The following AUTS2 variants were observed in gnomAD, a reference collection of about 807,000 sequenced individuals.
AUTS2 encodes the protein autism susceptibility gene 2 protein.
In AUTS2, 17 loss-of-function variants were observed where a neutral mutation model predicts 112.4. That is an observed-to-expected ratio of 0.15 (90% CI 0.10 to 0.23). The LOEUF is 0.23. Among genes scored for constraint, AUTS2 ranks in the 10% least tolerant of loss-of-function variants. The pLI is 1.00. For missense variants in AUTS2, 1,510 were observed against 1,701.6 expected, an observed-to-expected ratio of 0.89 and a Z score of 1.98; for synonymous variants, 751 against 702.7, an observed-to-expected ratio of 1.07 and a Z score of -1.09.
chr7:70,187,757 A>C (rs1015042681), intron 4 of AUTS2, among the ~76,000 whole-genome samples: 1 of 151,054 alleles, frequency 6.6e-6, no homozygotes, highest in Admixed American at 6.6e-5. Context: ...AGACTGTCAG[A>C]CATACTCAAC....
intron 5 of AUTS2, among the ~76,000 whole-genome samples, chr7:70,538,979 G>A (rs999276183): frequency 6.6e-6 from 1 of 152,144 alleles, no homozygotes; most frequent in African/African-American, 2.4e-5. Context: ...TAACCGCATA[G>A]TTAATTCCAC....
intron 6 of AUTS2, among the ~76,000 whole-genome samples, chr7:70,757,698 T>TAC (rs150844362): frequency 5.2e-4 from 78 of 151,084 alleles, no homozygotes; most frequent in East Asian, 1.9e-3. Context: ...TATGCATATA[T>TAC]ACACACACAC....
chr7:69,980,641 T>G (rs1436642310), intron 2 of AUTS2, among the ~76,000 whole-genome samples: 2 of 152,188 alleles, frequency 1.3e-5, no homozygotes, highest in African/African-American at 4.8e-5. Context: ...AGAAGTCATA[T>G]GATTACACAT....
intron 4 of AUTS2, among the ~76,000 whole-genome samples, chr7:70,319,316 TG>T (rs1790142411): frequency 1.3e-5 from 2 of 152,258 alleles, no homozygotes; most frequent in East Asian, 1.9e-4. Context: ...TGCTGCCAAA[TG>T]TATCCACTGA....
intron 6 of AUTS2, among the ~76,000 whole-genome samples, chr7:70,706,662 TTAAG>T (rs1485947627): frequency 6.6e-6 from 1 of 152,242 alleles, no homozygotes; most frequent in East Asian, 1.9e-4. Context: ...GGAGTTTATA[TTAAG>T]TTAGATCTGA....
intron 5 of AUTS2, among the ~76,000 whole-genome samples, chr7:70,506,704 C>G (rs1261329005): frequency 6.6e-6 from 1 of 152,262 alleles, no homozygotes; most frequent in African/African-American, 2.4e-5. Flanking sequence ...CGCTGCTCTC[C>G]TGGGCTTGTG....
intron 4 of AUTS2, among the ~76,000 whole-genome samples, chr7:70,382,859 A>G (rs1037360415): frequency 4.6e-5 from 7 of 152,206 alleles, no homozygotes; most frequent in Admixed American, 6.5e-5. Context: ...TCATAAAATG[A>G]CACATCCTTA....
chr7:70,228,422 ATAT>A (rs1379523718), intron 4 of AUTS2, among the ~76,000 whole-genome samples: 2 of 151,392 alleles, frequency 1.3e-5, no homozygotes, highest in African/African-American at 4.8e-5. Context: ...TTTATAGTTA[ATAT>A]TATTATTGAT....
At chr7:70,486,578 A>G (rs1283488730) in intron 5 of AUTS2, among the ~76,000 whole-genome samples, 1 of 152,064 alleles carries the variant, frequency 6.6e-6, no homozygotes, top group Non-Finnish European at 1.5e-5. Context: ...TCTACTAAAA[A>G]ACAAAAAACA....
At chr7:69,691,536 C>T (rs1170594571) in intron 1 of AUTS2, among the ~76,000 whole-genome samples, 11 of 152,130 alleles carry the variant, frequency 7.2e-5, no homozygotes, top group Admixed American at 6.5e-5. Flanking sequence ...CTGACTGGGT[C>T]GCGGCAGTGC....
At chr7:70,077,662 A>G (rs137965198) in intron 2 of AUTS2, among the ~76,000 whole-genome samples, 75 of 152,314 alleles carry the variant, frequency 4.9e-4, no homozygotes, top group Non-Finnish European at 9.8e-4. Context: ...TTCCTAGTAG[A>G]ATGGTGATGT....
At chr7:69,670,555 CAAAAAAAAAAAAAAAAAAAAA>C (rs200373158) in intron 1 of AUTS2, among the ~76,000 whole-genome samples, 82,874 of 119,736 alleles carry the variant, frequency 0.69, 25,929 homozygotes, top group East Asian at 0.78. Context: ...CTTGATCCCT[CAAAAAAAAAAAAAAAAAAAAA>C]AAAAAAAAAA....
At chr7:70,781,096 C>T (rs952590552) in intron 14 of AUTS2, among the ~76,000 whole-genome samples, 26 of 152,094 alleles carry the variant, frequency 1.7e-4, no homozygotes, top group Non-Finnish European at 8.8e-5. Context: ...TGCGGTGGCT[C>T]ACACCTGTAA....
intron 4 of AUTS2, chr7:70,294,195 AT>A (rs1360209539): frequency 6.6e-6 from 1 of 152,236 alleles, no homozygotes; most frequent in Non-Finnish European, 1.5e-5. Context: ...CTGGAAGATG[AT>A]GGCAATTATA....
intron 1 of AUTS2, among the ~76,000 whole-genome samples, chr7:69,722,363 G>A (rs1166631507): frequency 4.1e-5 from 6 of 144,684 alleles, no homozygotes; most frequent in Non-Finnish European, 8.9e-5. Flanking sequence ...GCAAATGGAG[G>A]TATTCTTATT....
intron 5 of AUTS2, among the ~76,000 whole-genome samples, chr7:70,659,110 G>T (rs1172389136): frequency 2.0e-5 from 3 of 152,094 alleles, no homozygotes; most frequent in African/African-American, 4.8e-5. Context: ...CTTTCTTTGG[G>T]TGCTTGACCA....
intron 4 of AUTS2, among the ~76,000 whole-genome samples, chr7:70,419,151 T>A (rs1795111050): frequency 6.6e-6 from 1 of 152,206 alleles, no homozygotes; most frequent in Admixed American, 6.5e-5. Context: ...TGATTTTTTT[T>A]AAACTTCCCT....
intron 4 of AUTS2, among the ~76,000 whole-genome samples, chr7:70,170,373 A>G (rs1464524842): frequency 1.3e-5 from 2 of 151,880 alleles, no homozygotes; most frequent in Non-Finnish European, 2.9e-5. Flanking sequence ...GCTGGTCTTG[A>G]ACTCCTGAGC....
At chr7:70,763,795 T>G (rs1273244024) in intron 7 of AUTS2, among the ~76,000 whole-genome samples, 1 of 152,240 alleles carries the variant, frequency 6.6e-6, no homozygotes, top group East Asian at 1.9e-4. Flanking sequence ...TGGGACCTGA[T>G]GAGTATTCCA....
Sources: gnomAD v4.1 joint callset for allele counts (sites outside exome capture counted in the v4.1 genomes callset) on GRCh38, gnomAD v4.1.1 for gene constraint, MANE v1.5 for transcripts, NCBI Gene and HGNC (gene_info 2026-07-23, HGNC 2026-07-21) for gene names.